The following ADGRL3 variants were observed in gnomAD, a reference collection of about 807,000 sequenced individuals.
The protein encoded by ADGRL3 is calcium-independent alpha-latrotoxin receptor 3.
ADGRL3 carries 62 observed loss-of-function variants against 153.5 expected under a neutral mutation model. The ratio of observed to expected loss-of-function variants is 0.40; its 90% CI spans 0.33 to 0.50. The LOEUF (loss-of-function observed/expected upper bound fraction) is 0.50. Ranked by LOEUF, ADGRL3 falls within the 20% of genes least tolerant of loss-of-function variation. The pLI is 0.47. For missense variants in ADGRL3, 1,641 were observed against 1,859.4 expected (o/e 0.88, Z 2.16); for synonymous variants, 710 against 672.5 (o/e 1.06, Z -0.86).
At chr4:61,780,790 A>G (rs1005774650) in intron 8 of ADGRL3, among the ~76,000 whole-genome samples, 2 of 152,170 alleles carry the variant, frequency 1.3e-5, no homozygotes, top group Non-Finnish European at 2.9e-5. Context: ...TTGCCAGCTG[A>G]GGTCTGAGTG....
At chr4:61,693,815 G>A (rs1390021109) in intron 6 of ADGRL3, among the ~76,000 whole-genome samples, 1 of 152,116 alleles carries the variant, frequency 6.6e-6, no homozygotes, top group Non-Finnish European at 1.5e-5. Flanking sequence ...GTGAAATTTG[G>A]TAAAGACTAT....
At chr4:61,992,064 T>C (rs2099105607) in intron 19 of ADGRL3, among the ~76,000 whole-genome samples, 1 of 151,810 alleles carries the variant, frequency 6.6e-6, no homozygotes. Flanking sequence ...TATGATTGAA[T>C]TTCATTTATA....
At chr4:61,549,618 GT>G (rs35569082) in intron 4 of ADGRL3, among the ~76,000 whole-genome samples, 56,754 of 150,860 alleles carry the variant, frequency 0.38, 11,217 homozygotes, top group East Asian at 0.76. Context: ...TATTTTTTAT[GT>G]TTTTTTTCTT....
chr4:61,660,972 A>G (rs560048819), intron 5 of ADGRL3, among the ~76,000 whole-genome samples: 6 of 152,204 alleles, frequency 3.9e-5, no homozygotes, highest in African/African-American at 1.2e-4. Flanking sequence ...ATGATCATAT[A>G]TATCTTAGAT....
At chr4:61,656,029 C>A (rs1044557786) in intron 5 of ADGRL3, among the ~76,000 whole-genome samples, 2 of 152,142 alleles carry the variant, frequency 1.3e-5, no homozygotes, top group Non-Finnish European at 2.9e-5. Flanking sequence ...ACGTTTTCCC[C>A]AGTGGCTTGC....
intron 13 of ADGRL3, among the ~76,000 whole-genome samples, chr4:61,930,905 GA>G (rs1211619594): frequency 2.6e-5 from 4 of 151,664 alleles, no homozygotes; most frequent in African/African-American, 9.7e-5. Context: ...ACTAGTTGGA[GA>G]AAAAAAATTA....
intron 2 of ADGRL3, among the ~76,000 whole-genome samples, chr4:61,388,090 A>G (rs2096760378): frequency 6.6e-6 from 1 of 152,018 alleles, no homozygotes; most frequent in East Asian, 1.9e-4. Context: ...CCCCTCTCCC[A>G]CTATCAGCTC....
At position 61,200,856 on chromosome 4, in the gene ADGRL3, C is replaced by T. The variant is rs1162082491; in HGVS notation, c.-1149C>T. 6.6e-6 allele frequency among the ~76,000 whole-genome samples: 1 copy of T among 151,686 alleles called. No individual in the cohort carries two copies. Among genetic ancestry groups the T allele is most frequent in the African/African-American group, 2.4e-5 (1 of 41,302 alleles). ...CCCACATGCCCGCAGCTGCCCGGCCCGGCCGGCGAGCTAATCATCCACCCC... is the reference window on the plus strand; with the variant it reads ...CCCACATGCCCGCAGCTGCCCGGCCTGGCCGGCGAGCTAATCATCCACCCC... On this transcript the variant is annotated 5_prime_UTR_variant, in exon 1 of 27. Coordinates refer to ENST00000683033, the MANE Select transcript of ADGRL3 (RefSeq NM_001387552.1).
chr4:61,653,407 C>T (rs990805412), intron 5 of ADGRL3, among the ~76,000 whole-genome samples: 3 of 152,090 alleles, frequency 2.0e-5, no homozygotes, highest in Non-Finnish European at 4.4e-5. Flanking sequence ...ATGCGTTGTA[C>T]GCCCAAGACA....
intron 1 of ADGRL3, among the ~76,000 whole-genome samples, chr4:61,350,021 G>A (rs1209136444): frequency 1.3e-5 from 2 of 152,070 alleles, no homozygotes; most frequent in Non-Finnish European, 2.9e-5. Flanking sequence ...TTATCATCTG[G>A]CCAGTGATAT....
intron 4 of ADGRL3, among the ~76,000 whole-genome samples, chr4:61,559,251 C>T (rs1292495842): frequency 6.6e-6 from 1 of 152,068 alleles, no homozygotes; most frequent in Non-Finnish European, 1.5e-5. Context: ...CTTCTTACTA[C>T]ATAAAATGTC....
At chr4:61,655,131 G>A (rs147086594) in intron 5 of ADGRL3, among the ~76,000 whole-genome samples, 1,633 of 152,056 alleles carry the variant, frequency 0.011, 28 homozygotes, top group South Asian at 0.033. Flanking sequence ...CTCACACATA[G>A]TATATGACTT....
intron 4 of ADGRL3, among the ~76,000 whole-genome samples, chr4:61,568,824 C>G (rs1239520900): frequency 6.6e-6 from 1 of 151,890 alleles, no homozygotes; most frequent in Non-Finnish European, 1.5e-5. Context: ...TCTCATGATT[C>G]CTTCTTCTAT....
At chr4:61,750,810 A>AAAAAAAAAAAAAAAG (rs746270309) in intron 8 of ADGRL3, among the ~76,000 whole-genome samples, 203 of 147,048 alleles carry the variant, frequency 1.4e-3, no homozygotes, top group African/African-American at 3.6e-3. Flanking sequence ...AAAAAAAAAA[A>AAAAAAAAAAAAAAAG]AAGTCAAAGC....
chr4:61,776,025 C>A (rs921347776), intron 8 of ADGRL3, among the ~76,000 whole-genome samples: 3 of 152,118 alleles, frequency 2.0e-5, no homozygotes, highest in African/African-American at 7.2e-5. Context: ...CTCGGCCTCC[C>A]GAGTAGCTGG....
intron 4 of ADGRL3, among the ~76,000 whole-genome samples, chr4:61,524,826 T>C (rs754543358): frequency 2.0e-5 from 3 of 152,138 alleles, no homozygotes; most frequent in Non-Finnish European, 4.4e-5. Context: ...AAATGTTTAA[T>C]AAATTCATTT....
chr4:61,712,381 C>A (rs1360085238), intron 6 of ADGRL3, among the ~76,000 whole-genome samples: 1 of 151,674 alleles, frequency 6.6e-6, no homozygotes, highest in East Asian at 1.9e-4. Context: ...GGTGAGAGAA[C>A]AAGACCATGT....
chr4:61,298,751 C>T lies in ADGRL3; in HGVS notation c.-239-84373C>T, dbSNP rs1448276292. On this transcript the variant is annotated intron_variant, in intron 1 of 26. Coordinates refer to ENST00000683033, the MANE Select transcript of ADGRL3 (RefSeq NM_001387552.1). ...AATTACTTATATTCAGTAGAAATCC[C>T]ATTGTACGTTTTGACAGGTAGGGAA... Among the ~76,000 whole-genome samples, 3 of 152,238 alleles carry T rather than the reference C, an allele frequency of 2.0e-5. No individual in the cohort carries two copies. In the East Asian group the frequency reaches 5.8e-4, roughly 29 times the overall value.
chr4:61,900,394 T>C (rs2098657857), intron 11 of ADGRL3, among the ~76,000 whole-genome samples: 1 of 152,228 alleles, frequency 6.6e-6, no homozygotes, highest in African/African-American at 2.4e-5. Flanking sequence ...GTCACTCATG[T>C]ACTGGTAAAG....
Sources: allele counts gnomAD v4.1 joint callset (sites outside exome capture counted in the v4.1 genomes callset), GRCh38; gene constraint gnomAD v4.1.1; transcripts MANE v1.5; gene names NCBI Gene and HGNC (gene_info 2026-07-23, HGNC 2026-07-21).